Variants in CCSER1 observed in about 807,000 individuals in gnomAD.
CCSER1 encodes serine-rich coiled-coil domain-containing protein 1.
CCSER1 carries 41 observed loss-of-function variants against 82.0 expected under a neutral mutation model. The ratio of observed to expected loss-of-function variants is 0.50; its 90% CI spans 0.39 to 0.65. The LOEUF is 0.65. CCSER1 is among the 30% of genes least tolerant of loss of function. The pLI is 0.00. For synonymous variants in CCSER1, 414 were observed against 383.9 expected, an observed-to-expected ratio of 1.08 and a Z score of -0.92; for missense variants, 1,119 against 1,064.2, an observed-to-expected ratio of 1.05 and a Z score of -0.72.
chr4:91,241,956 A>C (rs577598335), intron 10 of CCSER1, among the ~76,000 whole-genome samples: 4 of 147,450 alleles, frequency 2.7e-5, no homozygotes, highest in Non-Finnish European at 5.9e-5. Context: ...TTACACACAC[A>C]ACTGTGTGCG....
intron 10 of CCSER1, among the ~76,000 whole-genome samples, chr4:91,369,329 A>C (rs571005176): frequency 9.6e-4 from 147 of 152,336 alleles, no homozygotes; most frequent in African/African-American, 3.4e-3. Context: ...CGTTTCTAAC[A>C]CATAATATCA....
intron 1 of CCSER1, among the ~76,000 whole-genome samples, chr4:90,226,699 A>T (rs1560830484): frequency 6.6e-6 from 1 of 152,194 alleles, no homozygotes; most frequent in East Asian, 1.9e-4. Flanking sequence ...CACCTTGTTG[A>T]GATACGTGAC....
intron 10 of CCSER1, among the ~76,000 whole-genome samples, chr4:91,179,187 G>T (rs1463150574): frequency 1.3e-5 from 2 of 152,168 alleles, no homozygotes; most frequent in Admixed American, 1.3e-4. Context: ...GGTCTGATTG[G>T]CTTCCCTTTG....
intron 9 of CCSER1, among the ~76,000 whole-genome samples, chr4:90,967,661 A>G (rs1021887787): frequency 6.6e-6 from 1 of 152,096 alleles, no homozygotes; most frequent in East Asian, 1.9e-4. Context: ...TAGATACAAC[A>G]CCTAAAGCAC....
intron 1 of CCSER1, among the ~76,000 whole-genome samples, chr4:90,238,536 T>A (rs1409422474): frequency 6.6e-6 from 1 of 152,216 alleles, no homozygotes; most frequent in Non-Finnish European, 1.5e-5. Flanking sequence ...TTAGTGCTTT[T>A]GTTTTTAACC....
chr4:90,806,345 T>C (rs1359297939), intron 7 of CCSER1, among the ~76,000 whole-genome samples: 1 of 152,240 alleles, frequency 6.6e-6, no homozygotes, highest in East Asian at 1.9e-4. Flanking sequence ...TTCCTGGGAA[T>C]AAAATCTGAG....
Position 91,407,965 on chromosome 4 carries a change from C to T in CCSER1, c.2218-190607C>T, listed in dbSNP as rs190239370. 3.9e-4 allele frequency among the ~76,000 whole-genome samples: 60 copies of T among 152,180 alleles called. No individual in the cohort carries two copies. The East Asian group carries it at 7.3e-3, about 19-fold the overall frequency. On this transcript the variant is annotated intron_variant, in intron 10 of 10. Coordinates refer to ENST00000509176, the MANE Select transcript of CCSER1 (RefSeq NM_001145065.2). ...AACTCCATTTGTCAGTGGTCTATTG[C>T]CGTTTCAGTGAGGGCTGTTGATGCT...
intron 10 of CCSER1, among the ~76,000 whole-genome samples, chr4:91,526,330 G>GCC (rs1169370423): frequency 6.6e-6 from 1 of 152,130 alleles, no homozygotes; most frequent in Non-Finnish European, 1.5e-5. Context: ...CAAGCTGGAA[G>GCC]CCCCCTACTT....
intron 3 of CCSER1, among the ~76,000 whole-genome samples, chr4:90,317,196 T>G (rs1736323777): frequency 6.6e-6 from 1 of 152,156 alleles, no homozygotes; most frequent in African/African-American, 2.4e-5. Flanking sequence ...ATTTACAAGA[T>G]TACTCTCTAA....
chr4:91,556,259 C>T lies in CCSER1; in HGVS notation c.2218-42313C>T, dbSNP rs1242820959. 6.1e-5 allele frequency among the ~76,000 whole-genome samples: 9 copies of T among 147,322 alleles called. No homozygotes were observed. The South Asian group carries it at 1.5e-3, about 25-fold the overall frequency. On this transcript the variant is annotated intron_variant, in intron 10 of 10. Coordinates refer to ENST00000509176, the MANE Select transcript of CCSER1 (RefSeq NM_001145065.2). ...TTAGCTTTAAAGTTATGATTACTTT[C>T]ATTTAAAGTGAAATATTACCCAACT...
At chr4:90,205,422 G>A (rs1302747389) in intron 1 of CCSER1, among the ~76,000 whole-genome samples, 1 of 150,846 alleles carries the variant, frequency 6.6e-6, no homozygotes, top group African/African-American at 2.4e-5. Flanking sequence ...AAGCAGAAAG[G>A]TATGAAGGCC....
intron 1 of CCSER1, among the ~76,000 whole-genome samples, chr4:90,278,122 C>T (rs957257883): frequency 1.3e-5 from 2 of 152,086 alleles, no homozygotes; most frequent in African/African-American, 4.8e-5. Flanking sequence ...ATCAAAATCA[C>T]AGTGAGATAC....
chr4:90,816,407 T>C (rs575601015), intron 8 of CCSER1, among the ~76,000 whole-genome samples: 29 of 152,184 alleles, frequency 1.9e-4, no homozygotes, highest in Non-Finnish European at 3.2e-4. Flanking sequence ...TGAAAGAAAG[T>C]AAGGAATTAC....
At chr4:90,199,157 G>T (rs1184804844) in intron 1 of CCSER1, among the ~76,000 whole-genome samples, 1 of 152,088 alleles carries the variant, frequency 6.6e-6, no homozygotes, top group East Asian at 1.9e-4. Flanking sequence ...TTTTGAAACA[G>T]ATTTGTAATT....
In CCSER1 at chr4:90,960,119, T is replaced by C. The variant is rs562693470; in HGVS notation, c.2172+36672T>C. On this transcript the variant is annotated intron_variant, in intron 9 of 10. Transcript: ENST00000509176. ...AATGCCATGAGTTAGAATGGAAAGA[T>C]ACCTGAAATCGTCTTTCACAGAGAT... 1.5e-3 allele frequency among the ~76,000 whole-genome samples: 231 copies of C among 152,324 alleles called. 4 individuals are homozygous for C. The South Asian group carries it at 0.047, about 31-fold the overall frequency.
intron 4 of CCSER1, among the ~76,000 whole-genome samples, chr4:90,445,859 T>C (rs566834383): frequency 1.3e-5 from 2 of 152,296 alleles, no homozygotes; most frequent in African/African-American, 4.8e-5. Context: ...TATGTATTTC[T>C]ATATCATTTT....
At chr4:90,916,023 A>G (rs1402543216) in intron 8 of CCSER1, among the ~76,000 whole-genome samples, 1 of 152,214 alleles carries the variant, frequency 6.6e-6, no homozygotes, top group Non-Finnish European at 1.5e-5. Flanking sequence ...GAGGACACAA[A>G]CAAATGGAAG....
At chr4:91,494,937 C>T (rs1399131620) in intron 10 of CCSER1, among the ~76,000 whole-genome samples, 1 of 151,542 alleles carries the variant, frequency 6.6e-6, no homozygotes, top group Admixed American at 6.6e-5. Flanking sequence ...TAGGAGGATT[C>T]CTTACTCAAA....
intron 5 of CCSER1, among the ~76,000 whole-genome samples, chr4:90,508,259 A>C (rs996799293): frequency 6.6e-6 from 1 of 152,026 alleles, no homozygotes; most frequent in Admixed American, 6.6e-5. Flanking sequence ...CTAATAAAGG[A>C]GGAATAAAAT....
Sources: gnomAD v4.1 joint callset for allele counts (sites outside exome capture counted in the v4.1 genomes callset) on GRCh38, gnomAD v4.1.1 for gene constraint, MANE v1.5 for transcripts, NCBI Gene and HGNC (gene_info 2026-07-23, HGNC 2026-07-21) for gene names.